The following LTBP2 variants were observed in gnomAD, a reference collection of about 807,000 sequenced individuals.
LTBP2 encodes latent transforming growth factor beta binding protein 2.
Under a neutral mutation model 210.6 loss-of-function variants are expected in LTBP2, and 103 were observed. That is an observed-to-expected ratio of 0.49 (90% CI 0.42 to 0.58). The LOEUF (loss-of-function observed/expected upper bound fraction) is 0.58. Ranked by LOEUF, LTBP2 falls within the 20% of genes least tolerant of loss-of-function variation. The probability of loss-of-function intolerance (pLI) is 0.00; values close to 1 mark genes in which losing one functional copy is unlikely to be tolerated. For synonymous variants in LTBP2, 1,007 were observed against 1,015.0 expected (o/e 0.99, Z 0.15); for missense variants, 2,313 against 2,494.5 (o/e 0.93, Z 1.55).
At position 74,500,750 on chromosome 14, in the gene LTBP2, A is replaced by T. The variant is rs1203108003; in HGVS notation, c.*134T>A. The T allele has an allele frequency of 8.2e-7, 1 of 1,224,964 alleles. No homozygotes were observed. Among genetic ancestry groups the T allele is most frequent in the African/African-American group, 1.5e-5 (1 of 67,412 alleles). The allele number at this position is 1,224,964 out of a possible 1,614,324, so 75.9% of individuals were successfully genotyped here. A position where few individuals can be genotyped will look rare whatever the true frequency, so the allele number is the denominator to read the frequency against. On this transcript the variant is annotated 3_prime_UTR_variant, in exon 36 of 36. Coordinates refer to ENST00000261978, the MANE Select transcript of LTBP2 (RefSeq NM_000428.3). ...ACAGCCAGAGGCTAAGCTGGGAGAG[A>T]TGAAAGCAGGCAAGGCTGATTGGAA...
intron 5 of LTBP2, among the ~76,000 whole-genome samples, chr14:74,552,639 G>A (rs2087676018): frequency 6.6e-6 from 1 of 152,214 alleles, no homozygotes; most frequent in Non-Finnish European, 1.5e-5. Flanking sequence ...CAATAACCTG[G>A]GAGATGGGGA....
chr14:74,556,563 C>T (rs2087731743), intron 3 of LTBP2, among the ~76,000 whole-genome samples: 1 of 152,234 alleles, frequency 6.6e-6, no homozygotes, highest in Non-Finnish European at 1.5e-5. Flanking sequence ...GTTGCCCAAG[C>T]TGGAGTGCAA....
chr14:74,521,813 T>G, intron 17 of LTBP2, 98 bp downstream of exon 17: 1 of 1,521,798 alleles, frequency 6.6e-7, no homozygotes, highest in Non-Finnish European at 9.1e-7. Context: ...CCACTCCCCA[T>G]TCTGCGGCAC....
Position 74,595,390 on chromosome 14 carries a change from C to A in LTBP2, c.565+8245G>T, listed in dbSNP as rs117404310. 7.6e-3 allele frequency among the ~76,000 whole-genome samples: 1,160 copies of A among 152,352 alleles called. 9 individuals carry two copies. The highest frequency in any genetic ancestry group is 0.017 in the Middle Eastern group (5 of 294). Reference sequence around the variant, plus strand: ...AGGGCTGAGAGGCCTAGGCTCCTCTCCAGCTGCTGCCCCAAAGCAGAGAAG... The same window carrying A: ...AGGGCTGAGAGGCCTAGGCTCCTCTACAGCTGCTGCCCCAAAGCAGAGAAG... On this transcript the variant is annotated intron_variant, in intron 2 of 35. Transcript: ENST00000261978.
chr14:74,555,353 G>T, intron 4 of LTBP2, 150 bp downstream of exon 4: 1 of 840,934 alleles, frequency 1.2e-6, no homozygotes, highest in Non-Finnish European at 1.9e-6. Context: ...GCACAAAGCA[G>T]GTGCTCAACA....
chr14:74,595,963 G>A (rs1170978002), intron 2 of LTBP2, among the ~76,000 whole-genome samples: 3 of 152,138 alleles, frequency 2.0e-5, no homozygotes, highest in Non-Finnish European at 2.9e-5. Flanking sequence ...TTGGGAGTCC[G>A]AGGCGGGTGG....
chr14:74,539,228 G>A (rs2087460985), intron 8 of LTBP2, among the ~76,000 whole-genome samples: 2 of 152,222 alleles, frequency 1.3e-5, no homozygotes, highest in Admixed American at 1.3e-4. Context: ...GCTCAGTGAG[G>A]GGTAAGTAAC....
Position 74,611,694 on chromosome 14 carries a change from G to A in LTBP2, c.251C>T (p.Pro84Leu), listed in dbSNP as rs1455202313. The A allele has an allele frequency of 6.3e-7, 1 of 1,582,884 alleles. No homozygotes were observed. Among genetic ancestry groups the A allele is most frequent in the Admixed American group, 1.7e-5 (1 of 57,174 alleles). Residue 84 changes from proline to leucine, a missense_variant, in exon 1 of 36, where the codon CCC becomes CTC. This residue lies in a region of LTBP2 where 1,867 missense variants were observed against 1,976.9 expected (regional missense o/e 0.94). Transcript: ENST00000261978. The part of the protein sequence containing the change: ...EQDAPVAGLQ[P>L]VERAQPGWGS... ...CCAGCCCGGCTGGGCCCGCTCCACGGGCTGCAAGCCCGCGACAGGCGCGTC... is the reference window on the plus strand; with the variant it reads ...CCAGCCCGGCTGGGCCCGCTCCACGAGCTGCAAGCCCGCGACAGGCGCGTC...
intron 8 of LTBP2, among the ~76,000 whole-genome samples, chr14:74,539,037 GA>G (rs2087458935): frequency 6.6e-6 from 1 of 152,274 alleles, no homozygotes; most frequent in Non-Finnish European, 1.5e-5. Context: ...ATGAGGAGCA[GA>G]AGGTGGGAAA....
At chr14:74,578,578 C>T (rs551251405) in intron 3 of LTBP2, among the ~76,000 whole-genome samples, 65 of 152,246 alleles carry the variant, frequency 4.3e-4, no homozygotes, top group African/African-American at 1.5e-3. Context: ...CTCAGGGCAC[C>T]CAGCACTGCC....
chr14:74,551,432 CT>C, intron 6 of LTBP2, 82 bp from the exon 7 acceptor site: 4 of 1,370,110 alleles, frequency 2.9e-6, no homozygotes, highest in Non-Finnish European at 3.9e-6. Flanking sequence ...TCCACCACCC[CT>C]GGGCCAGGCA....
At chr14:74,501,331 T>G in intron 35 of LTBP2, 110 bp downstream of exon 35, 2 of 1,511,508 alleles carry the variant, frequency 1.3e-6, no homozygotes, top group Admixed American at 1.7e-5. Context: ...TCCAGCCTGA[T>G]GCAGACAGCC....
At position 74,498,688 on chromosome 14, in the gene LTBP2, G is replaced by A. The variant is rs1160069014; in HGVS notation, c.*2196C>T. ...GGAACAGCAGTTACGAAGGTGTAGT[G>A]CCAGCAGGATATATTTGGGGGATGG... On this transcript the variant is annotated 3_prime_UTR_variant, in exon 36 of 36. Transcript: ENST00000261978. 3 of 232,330 alleles carry A rather than the reference G, an allele frequency of 1.3e-5. No homozygotes were observed. The highest frequency in any genetic ancestry group is 2.6e-5 in the Non-Finnish European group (3 of 117,568). 14.4% of individuals were successfully genotyped at this position (232,330 alleles called of 1,614,324 possible).
intron 8 of LTBP2, among the ~76,000 whole-genome samples, chr14:74,543,329 G>A (rs548824488): frequency 1.2e-4 from 16 of 133,408 alleles, no homozygotes; most frequent in Admixed American, 8.9e-4. Context: ...AGTGAGCCGA[G>A]ATTGCGCCAC....
rs201430837 is a variant in LTBP2, at chr14:74,509,325, C to T, written c.3316G>A (p.Gly1106Arg). Residue 1106 changes from glycine to arginine, a missense_variant, in exon 22 of 36, where the codon GGA becomes AGA. Transcript: ENST00000261978. ...GAGCCAGCCGTGTTGGTGCAGACTCCGGAGGGGCAGACTCCCGGGAAGGCA... is the reference window on the plus strand; with the variant it reads ...GAGCCAGCCGTGTTGGTGCAGACTCTGGAGGGGCAGACTCCCGGGAAGGCA... ...ECAFPGVCPS[G>R]VCTNTAGSFS... The T allele has an allele frequency of 2.9e-5, 46 of 1,613,506 alleles. No individual in the cohort carries two copies. The highest frequency in any genetic ancestry group is 6.7e-5 in the African/African-American group (5 of 75,008).
chr14:74,565,331 T>G (rs139950409), intron 3 of LTBP2, among the ~76,000 whole-genome samples: 1 of 152,124 alleles, frequency 6.6e-6, no homozygotes, highest in African/African-American at 2.4e-5. Context: ...TAGGACATGT[T>G]GGGATGGGCA....
Position 74,516,820 on chromosome 14 carries a change from A to T in LTBP2, c.2908+2T>A. Reference sequence around the variant, plus strand: ...GGCGCTTCCCTCCTTCCCGTTCCTTACCTTGGCAGTGTCCTTTCCTGACCA... The same window carrying T: ...GGCGCTTCCCTCCTTCCCGTTCCTTTCCTTGGCAGTGTCCTTTCCTGACCA... On this transcript the variant is annotated splice_donor_variant, in intron 18 of 35. Coordinates refer to ENST00000261978, the MANE Select transcript of LTBP2 (RefSeq NM_000428.3). LOFTEE classifies it high-confidence loss of function. The T allele has an allele frequency of 6.4e-7, 1 of 1,551,658 alleles. No individual in the cohort carries two copies. The highest frequency in any genetic ancestry group is 2.4e-5 in the East Asian group (1 of 40,906).
At chr14:74,532,192 C>A (rs1297688154) in intron 10 of LTBP2, among the ~76,000 whole-genome samples, 1 of 152,170 alleles carries the variant, frequency 6.6e-6, no homozygotes, top group African/African-American at 2.4e-5. Context: ...CTGCAAAGGC[C>A]CGGAAAAAAT....
intron 20 of LTBP2, 74 bp downstream of exon 20, chr14:74,510,017 G>A: frequency 1.9e-6 from 3 of 1,612,524 alleles, no homozygotes; most frequent in Non-Finnish European, 2.5e-6. Context: ...AGGGGGCCAA[G>A]GGTGGTGTGC....
Sources: gnomAD v4.1 joint callset for allele counts (sites outside exome capture counted in the v4.1 genomes callset) on GRCh38, gnomAD v4.1.1 for gene constraint, gnomAD v4.1.1 regional missense constraint, MANE v1.5 for transcripts, NCBI Gene and HGNC (gene_info 2026-07-23, HGNC 2026-07-21) for gene names.